The following B4GALT5 variants were observed in gnomAD, a reference collection of about 807,000 sequenced individuals.
B4GALT5 encodes the protein UDP-Gal:beta-GlcNAc beta-1,4-galactosyltransferase 5.
In B4GALT5, 11 loss-of-function variants were observed where a neutral mutation model predicts 45.0. The observed-to-expected ratio is 0.24, with a 90% CI of 0.15 to 0.40. The LOEUF is 0.40. Ranked by LOEUF, B4GALT5 falls within the 10% of genes least tolerant of loss-of-function variation. The probability of loss-of-function intolerance (pLI) is 1.00; values close to 1 mark genes in which losing one functional copy is unlikely to be tolerated. For synonymous variants in B4GALT5, 185 were observed against 182.9 expected (o/e 1.01, Z -0.09); for missense variants, 337 against 500.2 (o/e 0.67, Z 3.11).
At chr20:49,712,958 T>C (rs1391651829) in intron 1 of B4GALT5, among the ~76,000 whole-genome samples, 1 of 147,338 alleles carries the variant, frequency 6.8e-6, no homozygotes, top group Admixed American at 6.9e-5. Flanking sequence ...ATCAGGCCAC[T>C]GAAGAGGTGA....
intron 1 of B4GALT5, among the ~76,000 whole-genome samples, chr20:49,695,872 A>G (rs1303094422): frequency 2.6e-5 from 4 of 152,256 alleles, no homozygotes; most frequent in African/African-American, 9.6e-5. Context: ...TTGAGTTTCA[A>G]TCTAATCATT....
At chr20:49,689,386 G>A (rs990046141) in intron 1 of B4GALT5, among the ~76,000 whole-genome samples, 2 of 152,108 alleles carry the variant, frequency 1.3e-5, no homozygotes, top group African/African-American at 2.4e-5. Context: ...CAATGGATCC[G>A]TTTCTGCCCC....
intron 2 of B4GALT5, among the ~76,000 whole-genome samples, chr20:49,649,019 A>G (rs1326227283): frequency 6.6e-6 from 1 of 152,230 alleles, no homozygotes; most frequent in African/African-American, 2.4e-5. Context: ...TTCAACTAAG[A>G]TATTTTTGAA....
chr20:49,646,912 C>T, intron 3 of B4GALT5, 53 bp downstream of exon 3: 1 of 1,131,674 alleles, frequency 8.8e-7, no homozygotes, highest in Admixed American at 2.1e-5. Context: ...CAAGAGTGCC[C>T]TCCCCTTTAT....
intron 1 of B4GALT5, among the ~76,000 whole-genome samples, chr20:49,657,145 C>A (rs1429807917): frequency 6.6e-6 from 1 of 152,122 alleles, no homozygotes; most frequent in African/African-American, 2.4e-5. Context: ...CTGCTAGAAG[C>A]ACTGAAGCCA....
chr20:49,684,533 A>G (rs934395138), intron 1 of B4GALT5: 4 of 513,138 alleles, frequency 7.8e-6, no homozygotes, highest in Admixed American at 5.8e-5. Flanking sequence ...ACTGCACTCC[A>G]GCCTGGGCGA....
chr20:49,644,052 T>C (rs758389162), intron 3 of B4GALT5, among the ~76,000 whole-genome samples: 2 of 149,458 alleles, frequency 1.3e-5, no homozygotes, highest in African/African-American at 2.5e-5. Context: ...CTCAGCCTCC[T>C]GAGTAGCTGC....
intron 6 of B4GALT5, 129 bp downstream of exon 6, chr20:49,640,349 A>G (rs2085571511): frequency 2.6e-6 from 2 of 768,996 alleles, no homozygotes; most frequent in Admixed American, 3.2e-5. Context: ...AATTGTATGG[A>G]TACACACATT....
Position 49,639,817 on chromosome 20 carries a change from G to T in B4GALT5, c.795-17C>A. The T allele has an allele frequency of 6.2e-7, 1 of 1,611,494 alleles. No individual in the cohort carries two copies. The highest frequency in any genetic ancestry group is 1.7e-5 in the Admixed American group (1 of 59,928). On this transcript the variant is annotated splice_polypyrimidine_tract_variant and intron_variant, in intron 6 of 8. Transcript: ENST00000371711. Reference sequence around the variant, plus strand: ...TAAGGAAGCCTAGGAGGAGATGTGGGACATCAATCATCTGTGTGTTACAGG... The same window carrying T: ...TAAGGAAGCCTAGGAGGAGATGTGGTACATCAATCATCTGTGTGTTACAGG...
chr20:49,712,621 G>C (rs535116317), intron 1 of B4GALT5, among the ~76,000 whole-genome samples: 2 of 151,988 alleles, frequency 1.3e-5, no homozygotes, highest in East Asian at 3.8e-4. Flanking sequence ...CCTTCTCTAC[G>C]GACAATTTAA....
At chr20:49,664,058 C>T (rs939611231) in intron 1 of B4GALT5, among the ~76,000 whole-genome samples, 4 of 152,112 alleles carry the variant, frequency 2.6e-5, no homozygotes, top group Non-Finnish European at 4.4e-5. Flanking sequence ...AATTTTGCTG[C>T]ATAAGAGGAA....
At chr20:49,647,115 ATG>A in intron 2 of B4GALT5, 37 bp from the exon 3 acceptor site, 1 of 1,305,226 alleles carries the variant, frequency 7.7e-7, no homozygotes, top group Non-Finnish European at 1.1e-6. Flanking sequence ...TCAGACTGGT[ATG>A]TGTGATCAAC....
intron 2 of B4GALT5, among the ~76,000 whole-genome samples, chr20:49,647,912 A>C (rs1191486510): frequency 6.6e-6 from 1 of 152,054 alleles, no homozygotes; most frequent in Non-Finnish European, 1.5e-5. Context: ...ACAGAACAGG[A>C]GTTGGATGTG....
At chr20:49,640,332 G>C (rs1316174120) in intron 6 of B4GALT5, 146 bp downstream of exon 6, 7 of 667,436 alleles carry the variant, frequency 1.0e-5, no homozygotes, top group Non-Finnish European at 1.6e-5. Context: ...CTGCCAAACA[G>C]TGCTCCAATT....
At position 49,647,083 on chromosome 20, in the gene B4GALT5, G is replaced by T. The variant is rs1484043563; in HGVS notation, c.251-5C>A. 1.9e-6 allele frequency: 3 copies of T among 1,600,386 alleles called. No homozygotes were observed. Among genetic ancestry groups the T allele is most frequent in the Non-Finnish European group, 2.6e-6 (3 of 1,169,352 alleles). Reference sequence around the variant, plus strand: ...GGTTCAAGTCAAGAGGATAATCTAGGGAGGTAAAGGAAAAAAGTCGATCAG... The same window carrying T: ...GGTTCAAGTCAAGAGGATAATCTAGTGAGGTAAAGGAAAAAAGTCGATCAG... On this transcript the variant is annotated splice_polypyrimidine_tract_variant and splice_region_variant and intron_variant, in intron 2 of 8. Transcript: ENST00000371711.
intron 1 of B4GALT5, among the ~76,000 whole-genome samples, chr20:49,711,218 G>C (rs535347159): frequency 2.0e-5 from 3 of 152,082 alleles, no homozygotes; most frequent in Admixed American, 1.3e-4. Context: ...CATTCAAGGG[G>C]ATACAGTACT....
chr20:49,674,184 T>C (rs2085727998), intron 1 of B4GALT5, among the ~76,000 whole-genome samples: 1 of 145,208 alleles, frequency 6.9e-6, no homozygotes, highest in Non-Finnish European at 1.5e-5. Flanking sequence ...GAGCCGAGAC[T>C]GTGTCACTGC....
At chr20:49,686,789 C>G (rs563591646) in intron 1 of B4GALT5, among the ~76,000 whole-genome samples, 1 of 145,674 alleles carries the variant, frequency 6.9e-6, no homozygotes, top group Non-Finnish European at 1.5e-5. Flanking sequence ...GCCCCAGAGA[C>G]CCACAAGGCT....
intron 2 of B4GALT5, among the ~76,000 whole-genome samples, chr20:49,648,254 C>T (rs997135761): frequency 1.6e-4 from 24 of 152,228 alleles, no homozygotes; most frequent in Non-Finnish European, 2.8e-4. Context: ...CATCCTGAAA[C>T]TAAGAAAGAA....
Sources: gnomAD v4.1 joint callset for allele counts (sites outside exome capture counted in the v4.1 genomes callset) on GRCh38, gnomAD v4.1.1 for gene constraint, MANE v1.5 for transcripts, NCBI Gene and HGNC (gene_info 2026-07-23, HGNC 2026-07-21) for gene names.